Variants in ASPG observed in about 807,000 individuals in gnomAD.
ASPG encodes asparaginase.
In ASPG, 53 loss-of-function variants were observed where a neutral mutation model predicts 63.2. The observed-to-expected ratio is 0.84, with a 90% CI of 0.67 to 1.05. The LOEUF (loss-of-function observed/expected upper bound fraction) is 1.05. Ranked by LOEUF, ASPG falls within the 50% of genes least tolerant of loss-of-function variation. The pLI is 0.00. For missense variants in ASPG, 741 were observed against 794.4 expected (o/e 0.93, Z 0.81); for synonymous variants, 370 against 355.0 (o/e 1.04, Z -0.48).
intron 10 of ASPG, 134 bp downstream of exon 10, chr14:104,105,584 T>C: frequency 1.6e-6 from 2 of 1,269,998 alleles, no homozygotes; most frequent in Non-Finnish European, 2.1e-6. Context: ...ACCCGGGTTC[T>C]GGGGCCCAGG....
rs1375992523 is a variant in ASPG at position 104,115,440 on chromosome 14, G to A, written c.*2896G>A. ...AGACCAGAACTTAGAATTAAGGAGT[G>A]GTGGCCAGGCTTGGTGGCTCACACC... is the stretch of plus-strand genomic sequence containing the variant. On this transcript the variant is annotated 3_prime_UTR_variant, in exon 16 of 16. Coordinates refer to ENST00000551177, the MANE Select transcript of ASPG (RefSeq NM_001080464.3). 2.0e-5 allele frequency: 3 copies of A among 152,242 alleles called. No individual in the cohort carries two copies. Among genetic ancestry groups the A allele is most frequent in the Non-Finnish European group, 4.4e-5 (3 of 68,074 alleles). The allele number at this position is 152,242 out of a possible 1,614,324, so 9.4% of individuals were successfully genotyped here.
In ASPG at chr14:104,111,666, A is replaced by G. The variant is rs1395798836; in HGVS notation, c.1620+65A>G. ...CACCTCCAGGAAGGACACCTGGACAATTCACCAGCTCACTGCTCTGCCCCT... is the reference window on the plus strand; with the variant it reads ...CACCTCCAGGAAGGACACCTGGACAGTTCACCAGCTCACTGCTCTGCCCCT... On this transcript the variant is annotated intron_variant, in intron 14 of 15. Transcript: ENST00000551177. 6 of 1,360,896 alleles carry G rather than the reference A, an allele frequency of 4.4e-6. No individual in the cohort carries two copies. The African/African-American group carries it at 7.2e-5, about 16-fold the overall frequency. 84.3% of individuals were successfully genotyped at this position (1,360,896 alleles called of 1,614,324 possible).
At chr14:104,112,050 G>T in intron 15 of ASPG, 50 bp downstream of exon 15, 3 of 1,511,120 alleles carry the variant, frequency 2.0e-6, no homozygotes, top group Non-Finnish European at 1.8e-6. Flanking sequence ...AGCTTCTAGT[G>T]CAGGGCTGGA....
chr14:104,099,021 G>T, intron 6 of ASPG, 42 bp downstream of exon 6: 1 of 1,541,762 alleles, frequency 6.5e-7, no homozygotes, highest in South Asian at 1.2e-5. Context: ...GCCCAGTGCT[G>T]GTGCTGGGCG....
intron 6 of ASPG, among the ~76,000 whole-genome samples, chr14:104,103,078 T>C (rs926858714): frequency 6.6e-6 from 1 of 152,236 alleles, no homozygotes; most frequent in Non-Finnish European, 1.5e-5. Flanking sequence ...CAGAGGAGGC[T>C]GGCTGGTTCG....
Position 104,091,382 on chromosome 14 carries a change from T to A in ASPG, c.83-1251T>A, listed in dbSNP as rs2036361422. Reference sequence around the variant, plus strand: ...CGGAGGGCAGACGGGCAGACAAACATGTGCGGGCTCCGCCTCCCCCGTCTG... The same window carrying A: ...CGGAGGGCAGACGGGCAGACAAACAAGTGCGGGCTCCGCCTCCCCCGTCTG... On this transcript the variant is annotated intron_variant, in intron 1 of 15. Coordinates refer to ENST00000551177, the MANE Select transcript of ASPG (RefSeq NM_001080464.3). This position sits in a 1 kb window ranked among gnomAD's most constrained non-coding sequence, Gnocchi z 6.4. Among the ~76,000 whole-genome samples, 1 of 151,916 alleles carries A rather than the reference T, an allele frequency of 6.6e-6. No homozygotes were observed. Among genetic ancestry groups the A allele is most frequent in the Non-Finnish European group, 1.5e-5 (1 of 68,000 alleles).
In ASPG at chr14:104,110,833, G is replaced by A. The variant is rs1259212926; in HGVS notation, c.1521-669G>A. 6.1e-6 allele frequency: 6 copies of A among 985,240 alleles called. No individual in the cohort carries two copies. The highest frequency in any genetic ancestry group is 7.2e-6 in the Non-Finnish European group (6 of 829,896). The allele number at this position is 985,240 out of a possible 1,614,324, so 61.0% of individuals were successfully genotyped here. A position where few individuals can be genotyped will look rare whatever the true frequency, so the allele number is the denominator to read the frequency against. ...CCTGCTCCTGGCCTCCCCAGGTGGC[G>A]AGTGAGTTCTTCCCAGGAGGGTGGC... On this transcript the variant is annotated intron_variant, in intron 13 of 15. Coordinates refer to ENST00000551177, the MANE Select transcript of ASPG (RefSeq NM_001080464.3). This position sits in a 1 kb window ranked among gnomAD's most constrained non-coding sequence, Gnocchi z 4.7.
Position 104,098,952 on chromosome 14 carries a change from C to T in ASPG, c.613C>T (p.Leu205=), listed in dbSNP as rs373844611. Residue 205 remains leucine, a synonymous_variant, in exon 6 of 16, where the codon CTG becomes TTG. Coordinates refer to ENST00000551177, the MANE Select transcript of ASPG (RefSeq NM_001080464.3). ...AAFCSPNLLP[L]ATVGADITIN... is the part of the protein sequence containing the mutation. ...TTTCTGCTCCCCGAACCTGCTGCCT[C>T]TGGCCACAGTGGGTGCTGACATCAC... 1.2e-6 allele frequency: 2 copies of T among 1,600,562 alleles called. No homozygotes were observed. The highest frequency in any genetic ancestry group is 4.5e-5 in the East Asian group (2 of 44,358).
chr14:104,106,956 C>T (rs1303230416), intron 11 of ASPG, 62 bp downstream of exon 11: 9 of 1,485,880 alleles, frequency 6.1e-6, no homozygotes, highest in Non-Finnish European at 1.8e-6. Flanking sequence ...GCTCTGAACC[C>T]TGTAGGCAGG....
At chr14:104,097,125 C>T (rs1055450152) in intron 4 of ASPG, among the ~76,000 whole-genome samples, 1 of 151,940 alleles carries the variant, frequency 6.6e-6, no homozygotes, top group Admixed American at 6.6e-5. Context: ...AGGGCAGCTG[C>T]GGTGGGAGGC....
At chr14:104,105,171 G>A in intron 9 of ASPG, 157 bp from the exon 10 acceptor site, 2 of 1,191,288 alleles carry the variant, frequency 1.7e-6, no homozygotes, top group Non-Finnish European at 2.4e-6. Context: ...CTTGGGAGGG[G>A]ACCCAGCCCG....
In ASPG at chr14:104,107,293, A is replaced by G; in HGVS notation, c.1381A>G (p.Asn461Asp). The G allele has an allele frequency of 6.2e-7, 1 of 1,607,490 alleles. No homozygotes were observed. The highest frequency in any genetic ancestry group is 1.1e-5 in the South Asian group (1 of 90,564). ...TMLLQRGVDV[N>D]TRDTDGFSPL... ...GCTGCTGCAGAGAGGTGTGGACGTG[A>G]ACACCCGGGACACGGATGGCTTCAG... Residue 461 changes from asparagine to aspartate, a missense_variant, in exon 12 of 16, where the codon AAC becomes GAC. Coordinates refer to ENST00000551177, the MANE Select transcript of ASPG (RefSeq NM_001080464.3).
intron 6 of ASPG, among the ~76,000 whole-genome samples, chr14:104,102,234 GCTCTGGTGGGGGTGGAAGACT>G (rs933825731): frequency 6.6e-5 from 10 of 152,220 alleles, no homozygotes; most frequent in African/African-American, 2.4e-4. Context: ...GATGCTGTGG[GCTCTGGTGGGGGTGGAAGACT>G]CACTGCTGGG....
chr14:104,090,768 G>A (rs963492410), intron 1 of ASPG, among the ~76,000 whole-genome samples: 2 of 152,196 alleles, frequency 1.3e-5, no homozygotes, highest in Non-Finnish European at 2.9e-5. Flanking sequence ...GCCACCTCCC[G>A]CCCCATGACC....
In ASPG at chr14:104,104,953, C is replaced by T. The variant is rs148597734; in HGVS notation, c.1050+218C>T. ...ACTGGACTCCCAGCCCAGGCTCCGCCTGTCCTTGTGCCTTCTCAGACTGCA... is the reference window on the plus strand; with the variant it reads ...ACTGGACTCCCAGCCCAGGCTCCGCTTGTCCTTGTGCCTTCTCAGACTGCA... On this transcript the variant is annotated intron_variant, in intron 9 of 15. Transcript: ENST00000551177. 4.4e-4 allele frequency: 259 copies of T among 586,194 alleles called. 1 individual carries two copies. Among genetic ancestry groups the T allele is most frequent in the African/African-American group, 3.9e-3 (210 of 53,406 alleles). 36.3% of individuals were successfully genotyped at this position (586,194 alleles called of 1,614,324 possible).
intron 15 of ASPG, 76 bp downstream of exon 15, chr14:104,112,076 G>C: frequency 7.2e-7 from 1 of 1,380,432 alleles, no homozygotes; most frequent in Non-Finnish European, 9.9e-7. Flanking sequence ...GCTCGGGGGG[G>C]CGTAATCAAG....
Position 104,091,628 on chromosome 14 carries a change from G to A in ASPG, c.83-1005G>A, listed in dbSNP as rs377208331. 1.3e-5 allele frequency among the ~76,000 whole-genome samples: 2 copies of A among 152,296 alleles called. No homozygotes were observed. Among genetic ancestry groups the A allele is most frequent in the East Asian group, 3.9e-4 (2 of 5,180 alleles). On this transcript the variant is annotated intron_variant, in intron 1 of 15. Transcript: ENST00000551177. This position sits in a 1 kb window ranked among gnomAD's most constrained non-coding sequence, Gnocchi z 6.4. ...TGGAGACCAGGGTGAGCCCAGCAGTGGAGGGCGATGTCAGGGAGGGGTGCG... is the reference window on the plus strand; with the variant it reads ...TGGAGACCAGGGTGAGCCCAGCAGTAGAGGGCGATGTCAGGGAGGGGTGCG...
intron 1 of ASPG, among the ~76,000 whole-genome samples, chr14:104,087,392 C>A (rs2036249524): frequency 6.6e-6 from 1 of 152,212 alleles, no homozygotes; most frequent in Non-Finnish European, 1.5e-5. Flanking sequence ...GTCCCAGGGG[C>A]AGGATCTGCC....
chr14:104,091,459 G>A lies in ASPG; in HGVS notation c.83-1174G>A, dbSNP rs1024294048. Among the ~76,000 whole-genome samples, 2 of 152,244 alleles carry A rather than the reference G, an allele frequency of 1.3e-5. No homozygotes were observed. The highest frequency in any genetic ancestry group is 1.3e-4 in the Admixed American group (2 of 15,294). On this transcript the variant is annotated intron_variant, in intron 1 of 15. Coordinates refer to ENST00000551177, the MANE Select transcript of ASPG (RefSeq NM_001080464.3). This position sits in a 1 kb window ranked among gnomAD's most constrained non-coding sequence, Gnocchi z 6.4. ...TTTTGTCAGCGGCTGCACCTCAGCC[G>A]GCCTGCATCTTCCAGTCCTCTGGCA...
Sources: gnomAD v4.1 joint callset for allele counts (sites outside exome capture counted in the v4.1 genomes callset) on GRCh38, gnomAD v4.1.1 for gene constraint, Gnocchi (gnomAD v3.1) non-coding constraint, MANE v1.5 for transcripts, NCBI Gene and HGNC (gene_info 2026-07-23, HGNC 2026-07-21) for gene names.